MIA2: variants seen among roughly 807,000 people sequenced by gnomAD.
MIA2 encodes MIA SH3 domain ER export factor 2.
Under a neutral mutation model 167.8 loss-of-function variants are expected in MIA2, and 127 were observed. The ratio of observed to expected loss-of-function variants is 0.76; its 90% CI spans 0.66 to 0.88. MIA2 has a LOEUF of 0.88. Among genes scored for constraint, MIA2 ranks in the 40% least tolerant of loss-of-function variants. The probability of loss-of-function intolerance (pLI) is 0.00; values close to 1 mark genes in which losing one functional copy is unlikely to be tolerated. For missense variants in MIA2, 1,690 were observed against 1,624.7 expected (o/e 1.04, Z -0.69); for synonymous variants, 552 against 541.9 (o/e 1.02, Z -0.26).
At chr14:39,257,158 T>C (rs533383367) in intron 6 of MIA2, among the ~76,000 whole-genome samples, 3 of 152,320 alleles carry the variant, frequency 2.0e-5, no homozygotes, top group African/African-American at 7.2e-5. Flanking sequence ...TCTGTCTCGT[T>C]GATCTGTCAT....
chr14:39,310,569 G>A (rs1421473226), intron 18 of MIA2, among the ~76,000 whole-genome samples: 1 of 152,076 alleles, frequency 6.6e-6, no homozygotes, highest in East Asian at 1.9e-4. Context: ...AGAGGCTGTA[G>A]CAGGAAGCTA....
intron 23 of MIA2, among the ~76,000 whole-genome samples, chr14:39,378,295 C>T (rs1005509222): frequency 2.6e-5 from 4 of 152,146 alleles, no homozygotes; most frequent in Admixed American, 6.5e-5. Flanking sequence ...AGATTATTTC[C>T]AGTCTGCTAC....
chr14:39,298,443 A>ATATATATATATATATATATATATATAT (rs1372100362), intron 13 of MIA2, among the ~76,000 whole-genome samples: 642 of 49,788 alleles, frequency 0.013, 77 homozygotes, highest in Middle Eastern at 0.029. Context: ...ATATATATAT[A>ATATATATATATATATATATATATATAT]AAGATTAGTT....
intron 25 of MIA2, among the ~76,000 whole-genome samples, chr14:39,329,233 G>A (rs558041364): frequency 5.6e-4 from 85 of 152,256 alleles, no homozygotes; most frequent in African/African-American, 1.8e-3. Context: ...TAGTAATTGC[G>A]AATGGGAGTT....
At position 39,348,725 on chromosome 14, in the gene MIA2, T is replaced by C; in HGVS notation, c.3838-18T>C. On this transcript the variant is annotated intron_variant, in intron 27 of 28. Transcript: ENST00000640607. Reference sequence around the variant, plus strand: ...AAATTTACTGTTTTAGTGACTGCCATATGTCAATTTGTTGTAGAATTTAAA... The same window carrying C: ...AAATTTACTGTTTTAGTGACTGCCACATGTCAATTTGTTGTAGAATTTAAA... The C allele has an allele frequency of 6.2e-7, 1 of 1,612,490 alleles. No homozygotes were observed. Among genetic ancestry groups the C allele is most frequent in the Non-Finnish European group, 8.5e-7 (1 of 1,178,528 alleles).
At chr14:39,242,076 G>C (rs899529207) in intron 3 of MIA2, among the ~76,000 whole-genome samples, 7 of 152,316 alleles carry the variant, frequency 4.6e-5, no homozygotes, top group South Asian at 2.1e-4. Flanking sequence ...TGGAAGCAAA[G>C]GATATGTTTT....
At chr14:39,321,586 G>A (rs952105294) in intron 24 of MIA2, among the ~76,000 whole-genome samples, 7 of 152,052 alleles carry the variant, frequency 4.6e-5, no homozygotes, top group African/African-American at 1.7e-4. Flanking sequence ...AAAGTGCTGG[G>A]ATTACAGGCG....
chr14:39,325,106 C>T (rs1472554091), intron 24 of MIA2, among the ~76,000 whole-genome samples: 4 of 151,956 alleles, frequency 2.6e-5, no homozygotes, highest in Non-Finnish European at 5.9e-5. Flanking sequence ...GCCTGTTGTC[C>T]CAGCTACTTG....
intron 23 of MIA2, chr14:39,385,668 C>A: frequency 2.1e-6 from 2 of 958,804 alleles, no homozygotes; most frequent in African/African-American, 1.6e-5. Flanking sequence ...TAAATGCAAT[C>A]TTTTCTTCAA....
At chr14:39,370,532 T>C (rs1469108864) in intron 23 of MIA2, 2 of 338,984 alleles carry the variant, frequency 5.9e-6, no homozygotes, top group Admixed American at 6.0e-5. Flanking sequence ...TCATGGAGAC[T>C]GCGCAGTTGT....
In MIA2 at chr14:39,375,331, G is replaced by A. The variant is rs950685249; in HGVS notation, c.2249-11554G>A. On this transcript the variant is annotated intron_variant, in intron 23 of 23. Coordinates refer to the MIA2 transcript ENST00000341502. ...TTATTCATTATTTACCTTGGATAGA[G>A]TTTTTGCCATGTTAAATTCAGCCTG... is the stretch of plus-strand genomic sequence containing the variant. Among the ~76,000 whole-genome samples, 41 of 152,284 alleles carry A rather than the reference G, an allele frequency of 2.7e-4. 1 individual carries two copies. Among genetic ancestry groups the A allele is most frequent in the African/African-American group, 9.9e-4 (41 of 41,544 alleles).
chr14:39,238,983 A>G (rs2053921841), intron 2 of MIA2, among the ~76,000 whole-genome samples: 1 of 152,100 alleles, frequency 6.6e-6, no homozygotes, highest in South Asian at 2.1e-4. Context: ...TATGGTTTAT[A>G]ATGAAAAGGT....
intron 6 of MIA2, among the ~76,000 whole-genome samples, chr14:39,261,549 C>T (rs969017372): frequency 1.3e-5 from 2 of 152,140 alleles, no homozygotes; most frequent in African/African-American, 2.4e-5. Context: ...CTTCTAGATC[C>T]TTGAGGAATC....
At chr14:39,358,470 A>C (rs2074590054) in intron 23 of MIA2, among the ~76,000 whole-genome samples, 1 of 151,950 alleles carries the variant, frequency 6.6e-6, no homozygotes, top group Non-Finnish European at 1.5e-5. Context: ...TTTTTTTTGA[A>C]GGTTTTTAAC....
At chr14:39,296,605 C>CT (rs56677159) in intron 13 of MIA2, among the ~76,000 whole-genome samples, 2,620 of 138,652 alleles carry the variant, frequency 0.019, 92 homozygotes, top group African/African-American at 0.067. Flanking sequence ...CTTTTCTTTT[C>CT]TTTTTTTTTT....
chr14:39,246,904 C>T lies in MIA2; in HGVS notation c.337-7C>T, dbSNP rs1170214235. 3 of 1,463,018 alleles carry T rather than the reference C, an allele frequency of 2.1e-6. No individual in the cohort carries two copies. The highest frequency in any genetic ancestry group is 2.4e-5 in the Admixed American group (1 of 41,550). 90.6% of individuals were successfully genotyped at this position (1,463,018 alleles called of 1,614,324 possible). ...ATGTTAATCATATATATATTTTTTC[C>T]TTTTAGGAATCTGACTTTCTTTGTC... On this transcript the variant is annotated splice_region_variant and splice_polypyrimidine_tract_variant and intron_variant, in intron 3 of 28. Coordinates refer to ENST00000640607, the MANE Select transcript of MIA2 (RefSeq NM_001329214.4).
At position 39,293,789 on chromosome 14, in the gene MIA2, A is replaced by G. The variant is rs116909613; in HGVS notation, c.2320-211A>G. On this transcript the variant is annotated intron_variant, in intron 11 of 28. Transcript: ENST00000640607. ...CTTATCTTGAGCCTATATAACTTAA[A>G]TGTTATGAAATATTAAAGTTATGAG... Among the ~76,000 whole-genome samples, 338 of 152,320 alleles carry G rather than the reference A, an allele frequency of 2.2e-3. 2 individuals are homozygous for G. The highest frequency in any genetic ancestry group is 3.4e-3 in the Middle Eastern group (1 of 294).
intron 21 of MIA2, among the ~76,000 whole-genome samples, chr14:39,317,487 G>GCT (rs2065688852): frequency 1.3e-5 from 2 of 152,126 alleles, no homozygotes. Flanking sequence ...AGTCCATGAG[G>GCT]CTCTGAACGT....
chr14:39,386,916 G>C, exon 24 of MIA2: 1 of 779,578 alleles, frequency 1.3e-6, no homozygotes, highest in Non-Finnish European at 2.2e-6. Flanking sequence ...CAGGAGCCCC[G>C]GCTTCAGGTA....
Sources: allele counts gnomAD v4.1 joint callset (sites outside exome capture counted in the v4.1 genomes callset), GRCh38; gene constraint gnomAD v4.1.1; transcripts MANE v1.5; gene names NCBI Gene and HGNC (gene_info 2026-07-23, HGNC 2026-07-21).